The following TSPAN31 variants were observed in gnomAD, a reference collection of about 807,000 sequenced individuals.
TSPAN31 encodes tetraspanin-31.
A neutral mutation model predicts 24.8 loss-of-function variants in TSPAN31; 16 were observed. The ratio of observed to expected loss-of-function variants is 0.64; its 90% CI spans 0.44 to 0.98. The LOEUF is 0.98. TSPAN31 is among the 50% of genes least tolerant of loss of function. TSPAN31 has a pLI of 0.00. For missense variants in TSPAN31, 209 were observed against 251.6 expected (o/e 0.83, Z 1.15); for synonymous variants, 87 against 91.4 (o/e 0.95, Z 0.27).
At chr12:57,745,698 T>G (rs1246645077) in intron 1 of TSPAN31, 47 bp from the exon 2 acceptor site, 1 of 1,611,644 alleles carries the variant, frequency 6.2e-7, no homozygotes, top group Admixed American at 1.7e-5. Context: ...CCTTGGGCTG[T>G]GCCGCATGCT....
rs761821146 is a variant in TSPAN31, at chr12:57,749,465, G to T, written c.*2175G>T. The stretch of plus-strand genomic sequence containing the variant: ...TGTTGGTCACTTACTCAAAGATTTT[G>T]CCCAACTGGTCGGCTTCAGAGTTTC... On this transcript the variant is annotated 3_prime_UTR_variant, in exon 6 of 6. Coordinates refer to ENST00000257910, the MANE Select transcript of TSPAN31 (RefSeq NM_005981.5). 2 of 1,614,178 alleles carry T rather than the reference G, an allele frequency of 1.2e-6. No homozygotes were observed. Among genetic ancestry groups the T allele is most frequent in the South Asian group, 1.1e-5 (1 of 91,086 alleles).
intron 4 of TSPAN31, 146 bp downstream of exon 4, chr12:57,746,866 G>C: frequency 7.4e-7 from 1 of 1,357,450 alleles, no homozygotes; most frequent in South Asian, 1.3e-5. Context: ...GGGAGGTGGG[G>C]GTGGATAGAG....
Position 57,748,660 on chromosome 12 carries a change from A to G in TSPAN31, c.*1370A>G, listed in dbSNP as rs1465094637. On this transcript the variant is annotated 3_prime_UTR_variant, in exon 6 of 6. Coordinates refer to ENST00000257910, the MANE Select transcript of TSPAN31 (RefSeq NM_005981.5). ...GGTCAGAAAACCATGAAGAAAACAG[A>G]CTTCTGCCCACCCACAACAATACCT... 1 of 1,297,146 alleles carries G rather than the reference A, an allele frequency of 7.7e-7. No individual in the cohort carries two copies. Among genetic ancestry groups the G allele is most frequent in the South Asian group, 1.2e-5 (1 of 84,464 alleles). The allele number at this position is 1,297,146 out of a possible 1,614,324, so 80.4% of individuals were successfully genotyped here.
At chr12:57,746,297 A>T in intron 3 of TSPAN31, 41 bp downstream of exon 3, 1 of 1,579,184 alleles carries the variant, frequency 6.3e-7, no homozygotes, top group Non-Finnish European at 8.7e-7. Context: ...GCTTTTTAAA[A>T]TTTTCCTCTT....
chr12:57,746,064 T>A, intron 2 of TSPAN31, 112 bp from the exon 3 acceptor site: 1 of 1,435,676 alleles, frequency 7.0e-7, no homozygotes, highest in South Asian at 1.2e-5. Context: ...CTGATTTTAT[T>A]GCTTTCAATT....
Position 57,747,091 on chromosome 12 carries a change from A to G in TSPAN31, c.518A>G (p.Lys173Arg), listed in dbSNP as rs1166241750. 6.2e-7 allele frequency: 1 copy of G among 1,614,180 alleles called. No individual in the cohort carries two copies. The highest frequency in any genetic ancestry group is 1.7e-5 in the Admixed American group (1 of 60,026). Residue 173 changes from lysine (K) to arginine (R), a missense_variant, in exon 5 of 6, where the codon AAA becomes AGA. Physicochemically the swap from Lys to Arg is conservative, Grantham distance 26 (BLOSUM62 2). Transcript: ENST00000257910. ...KFLKHSDEAL[K>R]ILGGVGLFFS... ...CTTAAGCATTCAGACGAAGCCCTGA[A>G]AATCCTAGGGGGTGTTGGACTCTTC...
At chr12:57,746,140 G>C (rs1297858362) in intron 2 of TSPAN31, 36 bp from the exon 3 acceptor site, 1 of 1,573,920 alleles carries the variant, frequency 6.4e-7, no homozygotes, top group Non-Finnish European at 8.7e-7. Flanking sequence ...AAACATAAAG[G>C]AATCTAGGAC....
At chr12:57,745,338 G>C in intron 1 of TSPAN31, 121 bp downstream of exon 1, 5 of 1,125,704 alleles carry the variant, frequency 4.4e-6, no homozygotes, top group Non-Finnish European at 6.4e-6. Flanking sequence ...AGGAACTTCC[G>C]GCGACGAGGG....
At position 57,750,062 on chromosome 12, in the gene TSPAN31, G is replaced by A. The variant is rs1338957034; in HGVS notation, c.*2772G>A. The A allele has an allele frequency of 3.1e-5, 5 of 159,684 alleles. No individual in the cohort carries two copies. The highest frequency in any genetic ancestry group is 5.5e-5 in the Non-Finnish European group (4 of 72,696). The allele number at this position is 159,684 out of a possible 1,614,324, so 9.9% of individuals were successfully genotyped here. ...TCAGCTACTCAAGAGGCTGAGATGG[G>A]AGGATTGCTTTAGCCCAGGAGGTAG... On this transcript the variant is annotated 3_prime_UTR_variant, in exon 6 of 6. Coordinates refer to ENST00000257910, the MANE Select transcript of TSPAN31 (RefSeq NM_005981.5).
chr12:57,745,516 C>CT (rs1382240590), intron 1 of TSPAN31: 4 of 619,202 alleles, frequency 6.5e-6, no homozygotes, highest in Non-Finnish European at 1.1e-5. Context: ...GAGGGTTCAT[C>CT]TTTTGCATTC....
Position 57,748,524 on chromosome 12 carries a change from C to T in TSPAN31, c.*1234C>T, listed in dbSNP as rs2140380929. ...TCCTTCCATGGCAGCCACTCCATTG[C>T]TCACTCCGGATTACCTTCATCCTTA... is the stretch of plus-strand genomic sequence containing the variant. On this transcript the variant is annotated 3_prime_UTR_variant, in exon 6 of 6. Transcript: ENST00000257910. The T allele has an allele frequency of 1.2e-6, 2 of 1,608,016 alleles. No individual in the cohort carries two copies. The highest frequency in any genetic ancestry group is 1.7e-6 in the Non-Finnish European group (2 of 1,174,556).
chr12:57,745,439 C>T, intron 1 of TSPAN31: 1 of 616,044 alleles, frequency 1.6e-6, no homozygotes, highest in Non-Finnish European at 2.8e-6. Context: ...AGGCCGTGGG[C>T]GTAAGTTCCA....
Position 57,749,834 on chromosome 12 carries a change from T to A in TSPAN31, c.*2544T>A, listed in dbSNP as rs1955211777. 3 of 380,976 alleles carry A rather than the reference T, an allele frequency of 7.9e-6. No individual in the cohort carries two copies. Among genetic ancestry groups the A allele is most frequent in the Non-Finnish European group, 1.5e-5 (3 of 201,990 alleles). The allele number at this position is 380,976 out of a possible 1,614,324, so 23.6% of individuals were successfully genotyped here. ...CAACATGGTGAAACCCTGTCATTACTAAAAGTACAAAAATTAGCTGAGCAT... is the reference window on the plus strand; with the variant it reads ...CAACATGGTGAAACCCTGTCATTACAAAAAGTACAAAAATTAGCTGAGCAT... On this transcript the variant is annotated 3_prime_UTR_variant, in exon 6 of 6. Transcript: ENST00000257910.
In TSPAN31 at chr12:57,748,586, A is replaced by G. The variant is rs751365131; in HGVS notation, c.*1296A>G. The G allele has an allele frequency of 8.1e-6, 13 of 1,613,856 alleles. No homozygotes were observed. Among genetic ancestry groups the G allele is most frequent in the Non-Finnish European group, 1.0e-5 (12 of 1,179,772 alleles). On this transcript the variant is annotated 3_prime_UTR_variant, in exon 6 of 6. Coordinates refer to ENST00000257910, the MANE Select transcript of TSPAN31 (RefSeq NM_005981.5). Reference sequence around the variant, plus strand: ...GTGCTGCAGAGCTCGAAAGGCAGAGATTCGCTTGTGTGGGTTAAAAGTCAG... The same window carrying G: ...GTGCTGCAGAGCTCGAAAGGCAGAGGTTCGCTTGTGTGGGTTAAAAGTCAG...
chr12:57,745,665 C>G, intron 1 of TSPAN31, 80 bp from the exon 2 acceptor site: 1 of 1,554,554 alleles, frequency 6.4e-7, no homozygotes, highest in Middle Eastern at 1.9e-4. Context: ...CCCCCTGCCC[C>G]GCTCCCAAGT....
Position 57,749,111 on chromosome 12 carries a change from G to A in TSPAN31, c.*1821G>A, listed in dbSNP as rs2140382276. On this transcript the variant is annotated 3_prime_UTR_variant, in exon 6 of 6. Transcript: ENST00000257910. The stretch of plus-strand genomic sequence containing the variant: ...AGTTTCATTAACCACAGTGGCCAGG[G>A]CCCTGCATACTGCTCTATTTCTTTC... 5 of 1,580,564 alleles carry A rather than the reference G, an allele frequency of 3.2e-6. No individual in the cohort carries two copies. Among genetic ancestry groups the A allele is most frequent in the East Asian group, 2.2e-5 (1 of 44,702 alleles).
chr12:57,747,134 A>G lies in TSPAN31; in HGVS notation c.558+3A>G. 2 of 1,613,760 alleles carry G rather than the reference A, an allele frequency of 1.2e-6. No homozygotes were observed. Among genetic ancestry groups the G allele is most frequent in the Non-Finnish European group, 1.7e-6 (2 of 1,179,610 alleles). On this transcript the variant is annotated splice_donor_region_variant and intron_variant, in intron 5 of 5. Transcript: ENST00000257910. The stretch of plus-strand genomic sequence containing the variant: ...GACTCTTCTTTAGCTTTACAGAGGT[A>G]ACATTCTCCAGTTCCCTCACACACA...
Position 57,746,704 on chromosome 12 carries a change from A to T in TSPAN31, c.428A>T (p.Tyr143Phe). The change falls in exon 4 of 6, where the codon TAT (tyrosine) becomes TTT (phenylalanine). Residue 143 changes from tyrosine to phenylalanine, a missense_variant. Tyr to Phe is a conservative substitution (Grantham distance 22). Transcript: ENST00000257910. ...CTCACAACCCTGTATCAACAAGATT[A>T]TGATTTCTGCACTGCAGTGAGTGTG... ...FNLTTLYQQDYDFCTAICKSQ... is the reference protein window; with the variant it reads ...FNLTTLYQQDFDFCTAICKSQ... 2 of 1,614,064 alleles carry T rather than the reference A, an allele frequency of 1.2e-6. No individual in the cohort carries two copies. Among genetic ancestry groups the T allele is most frequent in the African/African-American group, 2.7e-5 (2 of 75,044 alleles).
chr12:57,745,338 G>A, intron 1 of TSPAN31, 121 bp downstream of exon 1: 2 of 1,125,586 alleles, frequency 1.8e-6, no homozygotes, highest in Non-Finnish European at 2.6e-6. Context: ...AGGAACTTCC[G>A]GCGACGAGGG....
Sources: allele counts gnomAD v4.1 joint callset, GRCh38; gene constraint gnomAD v4.1.1; transcripts MANE v1.5; gene names NCBI Gene and HGNC (gene_info 2026-07-23, HGNC 2026-07-21).